MPPED2: variants seen among roughly 807,000 people sequenced by gnomAD.
MPPED2 encodes the protein metallophosphoesterase domain containing 2.
MPPED2 carries 5 observed loss-of-function variants against 33.0 expected under a neutral mutation model. The observed-to-expected ratio is 0.15, with a 90% CI of 0.08 to 0.32. MPPED2 has a LOEUF of 0.32. MPPED2 is among the 10% of genes least tolerant of loss of function. The probability of loss-of-function intolerance (pLI) is 1.00; values close to 1 mark genes in which losing one functional copy is unlikely to be tolerated. For missense variants in MPPED2, 275 were observed against 372.1 expected, an observed-to-expected ratio of 0.74 and a Z score of 2.15; for synonymous variants, 136 against 141.9, an observed-to-expected ratio of 0.96 and a Z score of 0.29.
chr11:30,389,947 C>G (rs1947750641), intron 6 of MPPED2, among the ~76,000 whole-genome samples: 1 of 152,188 alleles, frequency 6.6e-6, no homozygotes, highest in African/African-American at 2.4e-5. Flanking sequence ...AAAATACCCA[C>G]AGCTACTCAA....
intron 4 of MPPED2, among the ~76,000 whole-genome samples, chr11:30,452,353 G>A (rs758145194): frequency 1.1e-4 from 16 of 152,184 alleles, no homozygotes; most frequent in Admixed American, 2.6e-4. Context: ...AAACACGATC[G>A]TGTCTGTGGG....
chr11:30,443,042 A>G (rs1423164011), intron 4 of MPPED2, among the ~76,000 whole-genome samples: 1 of 152,070 alleles, frequency 6.6e-6, no homozygotes, highest in Non-Finnish European at 1.5e-5. Context: ...TTTTTTAATC[A>G]AGTCACATAA....
At chr11:30,434,764 C>T (rs1481319521) in intron 4 of MPPED2, among the ~76,000 whole-genome samples, 1 of 152,186 alleles carries the variant, frequency 6.6e-6, no homozygotes, top group African/African-American at 2.4e-5. Flanking sequence ...TGTTGCTATT[C>T]ACCATCACTG....
chr11:30,422,235 C>T (rs1948646449), intron 4 of MPPED2, among the ~76,000 whole-genome samples: 1 of 152,182 alleles, frequency 6.6e-6, no homozygotes, highest in African/African-American at 2.4e-5. Context: ...AAGGTGGGGA[C>T]TGGGAAGAAG....
intron 2 of MPPED2, among the ~76,000 whole-genome samples, chr11:30,552,359 T>C (rs1955757764): frequency 2.0e-5 from 3 of 152,190 alleles, no homozygotes; most frequent in Admixed American, 1.3e-4. Flanking sequence ...TTTACCCTAG[T>C]TATGTAATAT....
downstream of MPPED2, among the ~76,000 whole-genome samples, chr11:30,407,476 T>C (rs1280901166): frequency 6.6e-6 from 1 of 152,206 alleles, no homozygotes; most frequent in Non-Finnish European, 1.5e-5. Flanking sequence ...CTTCTTCCTA[T>C]CCTTATGAAG....
At chr11:30,531,384 T>C (rs1247263134) in intron 3 of MPPED2, among the ~76,000 whole-genome samples, 2 of 152,042 alleles carry the variant, frequency 1.3e-5, no homozygotes, top group Non-Finnish European at 2.9e-5. Context: ...TGGGGAGAGA[T>C]GGAAAACAGG....
chr11:30,553,827 A>T (rs373856479), intron 2 of MPPED2, among the ~76,000 whole-genome samples: 1 of 152,310 alleles, frequency 6.6e-6, no homozygotes, highest in African/African-American at 2.4e-5. Context: ...CAGAGAGTGT[A>T]AGGATTGCAG....
rs570819289 is a variant in MPPED2 at position 30,465,497 on chromosome 11, G to A, written c.536+29799C>T. On this transcript the variant is annotated intron_variant, in intron 4 of 6. Transcript: ENST00000358117. ...GGTAGAGATGGGCTTTCACCATGTT[G>A]CATAGTCTGGTCTTGAACTCCTGGT... Among the ~76,000 whole-genome samples the A allele has an allele frequency of 5.9e-5, 9 of 152,318 alleles. 1 individual carries two copies. The East Asian group carries it at 1.7e-3, about 29-fold the overall frequency.
At chr11:30,436,188 G>A (rs1949318933) in intron 4 of MPPED2, among the ~76,000 whole-genome samples, 2 of 151,888 alleles carry the variant, frequency 1.3e-5, no homozygotes, top group Non-Finnish European at 2.9e-5. Context: ...AACCGCCAGA[G>A]GGGAGGCATT....
intron 4 of MPPED2, among the ~76,000 whole-genome samples, chr11:30,441,009 C>T (rs926975962): frequency 1.3e-5 from 2 of 152,140 alleles, no homozygotes; most frequent in African/African-American, 4.8e-5. Context: ...AGTACATTGA[C>T]AAACTCGTGA....
intron 6 of MPPED2, among the ~76,000 whole-genome samples, chr11:30,397,030 A>C: frequency 6.6e-6 from 1 of 152,122 alleles, no homozygotes; most frequent in East Asian, 1.9e-4. Context: ...TTCAAGGCTT[A>C]TATTCTGTTC....
At position 30,496,521 on chromosome 11, in the gene MPPED2, C is replaced by T. The variant is rs1952261809; in HGVS notation, c.311-1000G>A. ...GGAAAAAAAGAGTGGGACAATGGCA[C>T]CTATAATTCCAGCTTTCTGAGACCT... On this transcript the variant is annotated intron_variant, in intron 3 of 6. Coordinates refer to ENST00000358117, the MANE Select transcript of MPPED2 (RefSeq NM_001584.3). Among the ~76,000 whole-genome samples the T allele has an allele frequency of 3.9e-5, 6 of 152,178 alleles. No homozygotes were observed. The South Asian group carries it at 1.0e-3, about 26-fold the overall frequency.
At chr11:30,497,528 A>G (rs955549709) in intron 3 of MPPED2, among the ~76,000 whole-genome samples, 4 of 152,134 alleles carry the variant, frequency 2.6e-5, no homozygotes, top group African/African-American at 9.7e-5. Flanking sequence ...CCCTTTAATC[A>G]TTCACGATGA....
At chr11:30,527,397 T>A (rs1954257692) in intron 3 of MPPED2, among the ~76,000 whole-genome samples, 1 of 151,532 alleles carries the variant, frequency 6.6e-6, no homozygotes, top group South Asian at 2.1e-4. Context: ...AAACTGCCCT[T>A]GGTAACCTGG....
intron 4 of MPPED2, among the ~76,000 whole-genome samples, chr11:30,484,415 A>G (rs887315765): frequency 6.6e-6 from 1 of 152,182 alleles, no homozygotes; most frequent in African/African-American, 2.4e-5. Context: ...ATTTAAGCAA[A>G]ACAGTCTTCC....
intron 4 of MPPED2, among the ~76,000 whole-genome samples, chr11:30,482,090 T>C (rs1165513494): frequency 6.6e-6 from 1 of 152,178 alleles, no homozygotes; most frequent in Non-Finnish European, 1.5e-5. Context: ...GAATGTGGCC[T>C]TTCTTCCTGA....
At position 30,564,267 on chromosome 11, in the gene MPPED2, A is replaced by C. The variant is rs1956351200; in HGVS notation, c.128+15979T>G. Among the ~76,000 whole-genome samples the C allele has an allele frequency of 1.3e-5, 2 of 152,088 alleles. 1 individual carries two copies. The highest frequency in any genetic ancestry group is 1.3e-4 in the Admixed American group (2 of 15,254). On this transcript the variant is annotated intron_variant, in intron 2 of 6. Transcript: ENST00000358117. ...TATATCTATCCATTCAAGCAAACAT[A>C]GGCTTATAAATTCAGGCTCTGGGTG...
intron 2 of MPPED2, among the ~76,000 whole-genome samples, chr11:30,537,874 C>T (rs897850826): frequency 1.3e-5 from 2 of 152,024 alleles, no homozygotes; most frequent in African/African-American, 2.4e-5. Flanking sequence ...TCATTATAGC[C>T]GATGTTGCTT....
Sources: gnomAD v4.1 joint callset for allele counts (sites outside exome capture counted in the v4.1 genomes callset) on GRCh38, gnomAD v4.1.1 for gene constraint, MANE v1.5 for transcripts, NCBI Gene and HGNC (gene_info 2026-07-23, HGNC 2026-07-21) for gene names.